Variants in PEPD observed in about 807,000 individuals in gnomAD.
PEPD encodes the protein xaa-Pro dipeptidase.
PEPD carries 53 observed loss-of-function variants against 60.7 expected under a neutral mutation model. The ratio of observed to expected loss-of-function variants is 0.87; its 90% CI spans 0.70 to 1.10. The LOEUF is 1.10. Among genes scored for constraint, PEPD ranks in the 50% least tolerant of loss-of-function variants. PEPD has a pLI of 0.00. For missense variants in PEPD, 711 were observed against 711.9 expected (o/e 1.00, Z 0.01); for synonymous variants, 267 against 284.1 (o/e 0.94, Z 0.60).
chr19:33,444,411 C>T (rs1969550564), intron 9 of PEPD, among the ~76,000 whole-genome samples: 1 of 152,052 alleles, frequency 6.6e-6, no homozygotes, highest in African/African-American at 2.4e-5. Context: ...AAGGCAGCGA[C>T]TGATACAGCC....
rs151181225 is a variant in PEPD at position 33,480,840 on chromosome 19, G to GTGTATATA, written c.504-2751_504-2750insTATATACA. On this transcript the variant is annotated intron_variant, in intron 6 of 14. Coordinates refer to ENST00000244137, the MANE Select transcript of PEPD (RefSeq NM_000285.4). ...TGTGTGTGTGTGTGTGTGTGTGTGT[G>GTGTATATA]TATATCAAAAACCTAACACGTAGCT... Among the ~76,000 whole-genome samples, 1,142 of 150,966 alleles carry GTGTATATA rather than the reference G, an allele frequency of 7.6e-3. 17 individuals are homozygous for GTGTATATA. Among genetic ancestry groups the GTGTATATA allele is most frequent in the African/African-American group, 0.025 (1,027 of 41,090 alleles).
intron 9 of PEPD, among the ~76,000 whole-genome samples, chr19:33,455,425 A>G (rs1203041415): frequency 6.6e-6 from 1 of 152,084 alleles, no homozygotes; most frequent in African/African-American, 2.4e-5. Flanking sequence ...GTAAGCCAGG[A>G]AGACAATGCT....
chr19:33,490,165 T>A, intron 5 of PEPD, 108 bp from the exon 6 acceptor site: 2 of 765,190 alleles, frequency 2.6e-6, no homozygotes, highest in Non-Finnish European at 4.6e-6. Context: ...CAGGATCCCC[T>A]CCTGCCTTCC....
At chr19:33,421,334 C>G (rs1969013239) in intron 9 of PEPD, among the ~76,000 whole-genome samples, 1 of 152,172 alleles carries the variant, frequency 6.6e-6, no homozygotes, top group African/African-American at 2.4e-5. Context: ...CTCTCCATAC[C>G]TGTGAATGGG....
At chr19:33,432,237 A>C (rs1969290060) in intron 9 of PEPD, among the ~76,000 whole-genome samples, 1 of 152,212 alleles carries the variant, frequency 6.6e-6, no homozygotes, top group South Asian at 2.1e-4. Context: ...AGGCCTGCCA[A>C]GTCCTGCTTC....
intron 6 of PEPD, among the ~76,000 whole-genome samples, chr19:33,489,092 C>G (rs1970449602): frequency 6.6e-6 from 1 of 152,002 alleles, no homozygotes; most frequent in Non-Finnish European, 1.5e-5. Context: ...TCTCCAGGCT[C>G]TCCCGGGGGC....
chr19:33,390,885 CTCA>C (rs959529646), intron 13 of PEPD, among the ~76,000 whole-genome samples: 4 of 152,134 alleles, frequency 2.6e-5, no homozygotes, highest in Non-Finnish European at 5.9e-5. Context: ...TGGGTGGGGC[CTCA>C]TCAACTCCCC....
rs188930796 is a variant in PEPD at position 33,493,321 on chromosome 19, G to A, written c.410C>T (p.Thr137Met). 7.4e-6 allele frequency: 12 copies of A among 1,613,226 alleles called. No homozygotes were observed. The highest frequency in any genetic ancestry group is 4.5e-5 in the East Asian group (2 of 44,842). ...GAGGAGGACAGAGGGCTTCTGTGACGTCAGGACGCTGGCAATCTAGAAGGT... is the reference window on the plus strand; with the variant it reads ...GAGGAGGACAGAGGGCTTCTGTGACATCAGGACGCTGGCAATCTAGAAGGT... ...QYVDEIASVL[T>M]SQKPSVLLTL... Residue 137 changes from threonine to methionine, a missense_variant, in exon 5 of 15, where the codon ACG becomes ATG. Thr to Met is a moderately conservative substitution (Grantham distance 81, BLOSUM62 -1). Coordinates refer to ENST00000244137, the MANE Select transcript of PEPD (RefSeq NM_000285.4).
At chr19:33,424,748 C>G (rs1428465533) in intron 9 of PEPD, among the ~76,000 whole-genome samples, 1 of 152,072 alleles carries the variant, frequency 6.6e-6, no homozygotes, top group Non-Finnish European at 1.5e-5. Flanking sequence ...TTAATGGACT[C>G]ACAGTTCCAT....
rs551237280 is a variant in PEPD, at chr19:33,449,213, T to C, written c.671+13782A>G. Reference sequence around the variant, plus strand: ...TGTCTGGACCACCTGGTGCAACTCATAGCCCCCTCCTCAGCTCCTCTGGGG... The same window carrying C: ...TGTCTGGACCACCTGGTGCAACTCACAGCCCCCTCCTCAGCTCCTCTGGGG... On this transcript the variant is annotated intron_variant, in intron 9 of 14. Transcript: ENST00000244137. 5.3e-5 allele frequency among the ~76,000 whole-genome samples: 8 copies of C among 152,340 alleles called. No homozygotes were observed. The East Asian group carries it at 1.2e-3, about 22-fold the overall frequency.
At chr19:33,488,902 T>C (rs895792846) in intron 6 of PEPD, among the ~76,000 whole-genome samples, 4 of 151,446 alleles carry the variant, frequency 2.6e-5, no homozygotes, top group Admixed American at 6.6e-5. Context: ...GGGGAGGGGC[T>C]GGGGATCCAG....
intron 7 of PEPD, among the ~76,000 whole-genome samples, chr19:33,468,954 C>T (rs1970071406): frequency 6.6e-6 from 1 of 152,252 alleles, no homozygotes; most frequent in South Asian, 2.1e-4. Flanking sequence ...AGGACAGGGG[C>T]CAGCAGCTCA....
intron 1 of PEPD, 32 bp downstream of exon 1, chr19:33,521,712 G>C: frequency 1.3e-6 from 2 of 1,574,920 alleles, no homozygotes; most frequent in Non-Finnish European, 1.7e-6. Flanking sequence ...CTCCACGCCA[G>C]CGGGAAAGAG....
intron 5 of PEPD, among the ~76,000 whole-genome samples, chr19:33,491,165 A>G (rs1345495185): frequency 6.6e-6 from 1 of 152,020 alleles, no homozygotes; most frequent in East Asian, 1.9e-4. Context: ...CAATTAAGAA[A>G]AGAGAAAGGC....
intron 6 of PEPD, among the ~76,000 whole-genome samples, chr19:33,480,274 C>A (rs529864639): frequency 1.3e-5 from 2 of 152,122 alleles, no homozygotes; most frequent in South Asian, 4.2e-4. Context: ...ACAAAATAAG[C>A]CCTAAGATAC....
intron 9 of PEPD, among the ~76,000 whole-genome samples, chr19:33,457,201 G>A (rs1969819767): frequency 6.6e-6 from 1 of 151,932 alleles, no homozygotes; most frequent in Non-Finnish European, 1.5e-5. Context: ...GGAGACCAAG[G>A]CAGCAGGAAT....
chr19:33,468,399 G>A (rs970932077), intron 7 of PEPD, among the ~76,000 whole-genome samples: 2 of 152,224 alleles, frequency 1.3e-5, no homozygotes, highest in Admixed American at 6.5e-5. Context: ...ACCAGCACTC[G>A]CTCCTCTGTC....
chr19:33,443,201 G>A (rs1429635130), intron 9 of PEPD, among the ~76,000 whole-genome samples: 1 of 152,180 alleles, frequency 6.6e-6, no homozygotes, highest in Non-Finnish European at 1.5e-5. Context: ...TTCTGTCACT[G>A]AACACCATGT....
At chr19:33,390,457 C>CA (rs1281450791) in intron 13 of PEPD, among the ~76,000 whole-genome samples, 3 of 152,188 alleles carry the variant, frequency 2.0e-5, no homozygotes, top group African/African-American at 7.2e-5. Context: ...CCCACCCTGC[C>CA]AAAAAATCAT....
Sources: allele counts gnomAD v4.1 joint callset (sites outside exome capture counted in the v4.1 genomes callset), GRCh38; gene constraint gnomAD v4.1.1; transcripts MANE v1.5; gene names NCBI Gene and HGNC (gene_info 2026-07-23, HGNC 2026-07-21).